HCN1: variants seen among roughly 807,000 people sequenced by gnomAD.
HCN1 encodes hyperpolarization activated cyclic nucleotide gated potassium channel 1, also known as potassium/sodium hyperpolarization-activated cyclic nucleotide-gated channel 1.
HCN1 carries 13 observed loss-of-function variants against 78.9 expected under a neutral mutation model. That is an observed-to-expected ratio of 0.16 (90% CI 0.11 to 0.26). The LOEUF (loss-of-function observed/expected upper bound fraction) is 0.26. Among genes scored for constraint, HCN1 ranks in the 10% least tolerant of loss-of-function variants. HCN1 has a pLI of 1.00. For synonymous variants in HCN1, 552 were observed against 455.5 expected (o/e 1.21, Z -2.70); for missense variants, 810 against 1,154.3 (o/e 0.70, Z 4.32).
chr5:45,303,490 A>G (rs1745669223), intron 6 of HCN1, 109 bp downstream of exon 6: 3 of 1,031,870 alleles, frequency 2.9e-6, no homozygotes, highest in African/African-American at 3.2e-5. Context: ...ATTCACATAC[A>G]GGTTTACATT....
chr5:45,308,626 T>C (rs950069186), intron 5 of HCN1, among the ~76,000 whole-genome samples: 2 of 152,150 alleles, frequency 1.3e-5, no homozygotes, highest in Non-Finnish European at 2.9e-5. Context: ...AAATTGTATA[T>C]ATATCATGCA....
chr5:45,335,328 G>A (rs867213552), intron 5 of HCN1, among the ~76,000 whole-genome samples: 1 of 151,998 alleles, frequency 6.6e-6, no homozygotes, highest in Non-Finnish European at 1.5e-5. Flanking sequence ...AGTTCTATTA[G>A]GTTCTACTAA....
chr5:45,593,471 G>C (rs1579989063), intron 2 of HCN1, among the ~76,000 whole-genome samples: 1 of 151,850 alleles, frequency 6.6e-6, no homozygotes, highest in Non-Finnish European at 1.5e-5. Flanking sequence ...TAGCAAGACA[G>C]TGAAGCTGGT....
intron 4 of HCN1, among the ~76,000 whole-genome samples, chr5:45,379,020 A>T (rs1269510366): frequency 1.3e-5 from 2 of 152,082 alleles, no homozygotes; most frequent in Non-Finnish European, 2.9e-5. Context: ...CCAGTCTATC[A>T]TTGATGGACA....
intron 3 of HCN1, among the ~76,000 whole-genome samples, chr5:45,399,667 T>C (rs1036973320): frequency 1.3e-5 from 2 of 152,082 alleles, no homozygotes. Context: ...AACAGAAGAT[T>C]GAAAAGCCCA....
At chr5:45,289,983 T>C (rs780231868) in intron 6 of HCN1, among the ~76,000 whole-genome samples, 2 of 151,946 alleles carry the variant, frequency 1.3e-5, no homozygotes, top group Non-Finnish European at 2.9e-5. Flanking sequence ...CCCACCCAAA[T>C]CTCATCTTGA....
intron 3 of HCN1, among the ~76,000 whole-genome samples, chr5:45,438,468 G>T (rs56686441): frequency 1.3e-5 from 2 of 152,052 alleles, no homozygotes; most frequent in African/African-American, 4.8e-5. Flanking sequence ...TCAGGTGCCT[G>T]TAGTCCCAGC....
At chr5:45,664,413 T>A (rs1580032747) in intron 1 of HCN1, among the ~76,000 whole-genome samples, 1 of 141,612 alleles carries the variant, frequency 7.1e-6, no homozygotes, top group Non-Finnish European at 1.5e-5. Flanking sequence ...CATATGTAAC[T>A]AACCTGCACA....
chr5:45,413,433 G>A (rs968896869), intron 3 of HCN1, among the ~76,000 whole-genome samples: 1 of 152,000 alleles, frequency 6.6e-6, no homozygotes, highest in Non-Finnish European at 1.5e-5. Context: ...ATAGCAATAC[G>A]GTTATTATTA....
intron 4 of HCN1, among the ~76,000 whole-genome samples, chr5:45,391,053 C>A (rs749052125): frequency 6.6e-6 from 1 of 151,562 alleles, no homozygotes; most frequent in Non-Finnish European, 1.5e-5. Flanking sequence ...ATTCAGTTCC[C>A]GGGAAGCAAA....
At chr5:45,629,004 A>G (rs1296939240) in intron 2 of HCN1, among the ~76,000 whole-genome samples, 2 of 151,456 alleles carry the variant, frequency 1.3e-5, no homozygotes, top group Non-Finnish European at 2.9e-5. Context: ...AAAAGAAAAT[A>G]AAAGAAATTA....
intron 7 of HCN1, among the ~76,000 whole-genome samples, chr5:45,263,486 C>T (rs1744791499): frequency 2.0e-5 from 3 of 152,170 alleles, no homozygotes; most frequent in African/African-American, 7.2e-5. Context: ...AGAAACTCAG[C>T]CTCCTGGGCC....
At chr5:45,295,552 A>G (rs1374835872) in intron 6 of HCN1, among the ~76,000 whole-genome samples, 2 of 152,064 alleles carry the variant, frequency 1.3e-5, no homozygotes, top group Non-Finnish European at 2.9e-5. Context: ...TTAAAAAATT[A>G]TACTGATCTA....
chr5:45,680,831 G>T (rs1446806248), intron 1 of HCN1, among the ~76,000 whole-genome samples: 3 of 152,004 alleles, frequency 2.0e-5, no homozygotes, highest in African/African-American at 4.8e-5. Flanking sequence ...TTAGGTGAAG[G>T]TAGGTAATCA....
At chr5:45,376,225 T>TCTATATATTCTATATAG (rs1747656572) in intron 4 of HCN1, among the ~76,000 whole-genome samples, 1 of 3,872 alleles carries the variant, frequency 2.6e-4, no homozygotes, top group Non-Finnish European at 5.2e-4. Flanking sequence ...ACATTATATA[T>TCTATATATTCTATATAG]AATATATATT....
intron 2 of HCN1, chr5:45,642,604 T>C (rs566867831): frequency 1.3e-5 from 2 of 152,300 alleles, no homozygotes; most frequent in South Asian, 2.1e-4. Context: ...GCCAGCTTGA[T>C]ACTAAAACAC....
intron 5 of HCN1, among the ~76,000 whole-genome samples, chr5:45,326,067 G>A (rs967520650): frequency 1.3e-5 from 2 of 151,322 alleles, no homozygotes; most frequent in African/African-American, 4.8e-5. Flanking sequence ...GATTAATCAA[G>A]CATTTTCTAA....
Position 45,499,345 on chromosome 5 carries a change from G to A in HCN1, c.850-37338C>T, listed in dbSNP as rs975397977. Among the ~76,000 whole-genome samples, 22 of 152,180 alleles carry A rather than the reference G, an allele frequency of 1.4e-4. 1 individual carries two copies. The highest frequency in any genetic ancestry group is 9.2e-4 in the Admixed American group (14 of 15,288). ...CGTAGTATTCGGGTGGGAGTGACCC[G>A]ATTTTCCAGGTGCCCTCTGTCACCC... On this transcript the variant is annotated intron_variant, in intron 2 of 7. Transcript: ENST00000303230.
chr5:45,589,868 T>A (rs1744324343), intron 2 of HCN1, among the ~76,000 whole-genome samples: 1 of 152,186 alleles, frequency 6.6e-6, no homozygotes, highest in Non-Finnish European at 1.5e-5. Context: ...AGGTGACATC[T>A]CCCTGATCTA....
Sources: gnomAD v4.1 joint callset for allele counts (sites outside exome capture counted in the v4.1 genomes callset) on GRCh38, gnomAD v4.1.1 for gene constraint, MANE v1.5 for transcripts, NCBI Gene and HGNC (gene_info 2026-07-23, HGNC 2026-07-21) for gene names.